LINC00305: variants seen among roughly 807,000 people sequenced by gnomAD.
The protein encoded by LINC00305 is long intergenic non-protein coding RNA 305.
At chr18:64,122,463 C>A (rs1034325779) in intron 1 of LINC00305, among the ~76,000 whole-genome samples, 9 of 151,870 alleles carry the variant, frequency 5.9e-5, no homozygotes, top group African/African-American at 2.2e-4. Context: ...AGTGTATGAT[C>A]TTGTCTATTT....
At chr18:64,081,713 G>T (rs991965195) in intron 3 of LINC00305, among the ~76,000 whole-genome samples, 1 of 152,158 alleles carries the variant, frequency 6.6e-6, no homozygotes, top group Admixed American at 6.5e-5. Flanking sequence ...TACTTAAGAA[G>T]TTCAATTTTG....
chr18:64,144,461 C>T (rs2051487131), intron 1 of LINC00305, among the ~76,000 whole-genome samples: 1 of 152,100 alleles, frequency 6.6e-6, no homozygotes, highest in Admixed American at 6.5e-5. Context: ...ATTTTTTGCC[C>T]AGTGAGACCT....
chr18:64,109,515 T>G (rs1190315497), intron 1 of LINC00305, among the ~76,000 whole-genome samples: 1 of 152,254 alleles, frequency 6.6e-6, no homozygotes, highest in African/African-American at 2.4e-5. Flanking sequence ...TCTAATTTAC[T>G]TATTTACATA....
intron 1 of LINC00305, among the ~76,000 whole-genome samples, chr18:64,148,098 T>G (rs566851609): frequency 6.6e-6 from 1 of 152,030 alleles, no homozygotes; most frequent in African/African-American, 2.4e-5. Flanking sequence ...TTCCAGGTTG[T>G]GTCCAGGGAA....
chr18:64,113,860 A>G (rs955793190), intron 1 of LINC00305, among the ~76,000 whole-genome samples: 5 of 152,202 alleles, frequency 3.3e-5, no homozygotes, highest in African/African-American at 1.2e-4. Flanking sequence ...TAGACTTTCT[A>G]AAGCACACTG....
intron 1 of LINC00305, among the ~76,000 whole-genome samples, chr18:64,101,803 G>A (rs537179240): frequency 5.9e-4 from 90 of 152,176 alleles, no homozygotes; most frequent in South Asian, 3.5e-3. Context: ...AAATTTACAG[G>A]ATCAGTTACT....
At chr18:64,081,633 T>G (rs1984359) in intron 3 of LINC00305, among the ~76,000 whole-genome samples, 43,279 of 152,148 alleles carry the variant, frequency 0.28, 6,667 homozygotes, top group African/African-American at 0.4. Context: ...GATTATTTCA[T>G]GTATTCATAT....
Position 64,087,967 on chromosome 18 carries a change from A to C in LINC00305, n.541-7565T>G, listed in dbSNP as rs368915286. Among the ~76,000 whole-genome samples, 97 of 152,038 alleles carry C rather than the reference A, an allele frequency of 6.4e-4. No homozygotes were observed. In the South Asian group the frequency reaches 0.013, roughly 20 times the overall value. ...AAACAAAACAAACAGACAAAAAAAA[A>C]CAAATATTAGCCAGGCGTGGTGGCG... On this transcript the variant is annotated intron_variant and non_coding_transcript_variant, in intron 3 of 3. Coordinates refer to ENST00000666468, the Ensembl canonical transcript of LINC00305.
intron 1 of LINC00305, among the ~76,000 whole-genome samples, chr18:64,122,683 C>T (rs571064904): frequency 1.2e-4 from 18 of 151,938 alleles, no homozygotes; most frequent in East Asian, 1.9e-4. Context: ...TTTCGTGTTC[C>T]GTATGAATAT....
chr18:64,084,969 G>A (rs554229061), intron 3 of LINC00305, among the ~76,000 whole-genome samples: 238 of 152,342 alleles, frequency 1.6e-3, no homozygotes, highest in African/African-American at 5.5e-3. Flanking sequence ...ATGAGAACAG[G>A]GAGGTGTGAG....
chr18:64,121,284 A>C lies in LINC00305; in HGVS notation n.315-22644T>G, dbSNP rs377080866. On this transcript the variant is annotated intron_variant and non_coding_transcript_variant, in intron 1 of 3. Coordinates refer to ENST00000666468, the Ensembl canonical transcript of LINC00305. ...GTGGTGGTGAAGTCAGGGCTTTTAG[A>C]GTATCCATCACCCAAATAACGTACG... 4.3e-4 allele frequency among the ~76,000 whole-genome samples: 66 copies of C among 152,098 alleles called. 2 individuals are homozygous for C. The highest frequency in any genetic ancestry group is 1.5e-3 in the African/African-American group (61 of 41,522).
chr18:64,148,736 T>C (rs2051510471), intron 1 of LINC00305: 1 of 152,120 alleles, frequency 6.6e-6, no homozygotes, highest in Admixed American at 6.6e-5. Flanking sequence ...TTCTTTTTTT[T>C]CAAAGTTATA....
chr18:64,111,951 G>T (rs553119392), intron 1 of LINC00305, among the ~76,000 whole-genome samples: 2 of 152,310 alleles, frequency 1.3e-5, no homozygotes, highest in African/African-American at 4.8e-5. Context: ...GCTTAATGTG[G>T]ATGAATTCCA....
At chr18:64,117,386 A>G (rs2051342533) in intron 1 of LINC00305, among the ~76,000 whole-genome samples, 1 of 152,232 alleles carries the variant, frequency 6.6e-6, no homozygotes, top group African/African-American at 2.4e-5. Flanking sequence ...GATAGGGTAG[A>G]GAGGTTACCC....
At chr18:64,087,950 C>G (rs991478686) in intron 3 of LINC00305, among the ~76,000 whole-genome samples, 2 of 151,532 alleles carry the variant, frequency 1.3e-5, no homozygotes, top group Non-Finnish European at 2.9e-5. Context: ...AAAAACAAAA[C>G]AAACAGACAA....
intron 1 of LINC00305, among the ~76,000 whole-genome samples, chr18:64,103,806 CTT>C (rs1319215983): frequency 6.6e-5 from 10 of 152,128 alleles, no homozygotes; most frequent in Admixed American, 5.9e-4. Flanking sequence ...TATAACTACT[CTT>C]TTGGTGTTGC....
chr18:64,143,617 CACAT>C (rs2051478703), intron 1 of LINC00305, among the ~76,000 whole-genome samples: 3 of 115,036 alleles, frequency 2.6e-5, no homozygotes, highest in African/African-American at 7.0e-5. Flanking sequence ...TACATATGTA[CACAT>C]ATGTATGTAC....
chr18:64,117,295 C>T (rs2051342029), intron 1 of LINC00305, among the ~76,000 whole-genome samples: 1 of 152,156 alleles, frequency 6.6e-6, no homozygotes, highest in South Asian at 2.1e-4. Flanking sequence ...GTGACCCCAC[C>T]ATGATAGCTT....
At chr18:64,099,723 T>C (rs867556650) in intron 1 of LINC00305, among the ~76,000 whole-genome samples, 1 of 152,284 alleles carries the variant, frequency 6.6e-6, no homozygotes, top group South Asian at 2.1e-4. Flanking sequence ...CCCTTGGTTT[T>C]ATTAGGTACT....
Sources: allele counts gnomAD v4.1 joint callset (sites outside exome capture counted in the v4.1 genomes callset), GRCh38; gene constraint gnomAD v4.1.1; transcripts MANE v1.5; gene names NCBI Gene and HGNC (gene_info 2026-07-23, HGNC 2026-07-21).